PSG2: variants seen among roughly 807,000 people sequenced by gnomAD.
The protein encoded by PSG2 is pregnancy specific beta-1-glycoprotein 2, also known as pregnancy-specific beta-1-glycoprotein 2.
Under a neutral mutation model 36.2 loss-of-function variants are expected in PSG2, and 49 were observed. That is an observed-to-expected ratio of 1.35 (90% confidence interval 1.08 to 1.72). The LOEUF (loss-of-function observed/expected upper bound fraction) is 1.72, where lower values mean the gene tolerates loss of function less well. Ranked by LOEUF, PSG2 falls within the 40% of genes most tolerant of loss-of-function variation. PSG2 has a pLI of 0.00. For missense variants in PSG2, 605 were observed against 407.2 expected (o/e 1.49, Z -4.18); for synonymous variants, 261 against 155.6 (o/e 1.68, Z -5.04).
chr19:43,065,539 T>C (rs1967728225), intron 5 of PSG2: 1 of 151,686 alleles, frequency 6.6e-6, no homozygotes, highest in East Asian at 1.9e-4. Context: ...AGCATCCACT[T>C]TTAGAAATGT....
At position 43,080,861 on chromosome 19, in the gene PSG2, G is replaced by A. The variant is rs182934982; in HGVS notation, c.430+20C>T. The A allele has an allele frequency of 9.3e-5, 150 of 1,611,890 alleles. No homozygotes were observed. The East Asian group carries it at 3.3e-3, about 36-fold the overall frequency. ...TGACCCCTGTCCCCCAACACCCAGG[G>A]ATCATGTGGAATCACTTACGGTATA... On this transcript the variant is annotated intron_variant, in intron 2 of 5. Coordinates refer to ENST00000406487, the MANE Select transcript of PSG2 (RefSeq NM_031246.4).
At chr19:43,066,942 G>A (rs546697441) in intron 4 of PSG2, among the ~76,000 whole-genome samples, 6 of 151,352 alleles carry the variant, frequency 4.0e-5, no homozygotes, top group Admixed American at 1.3e-4. Context: ...TGTTTCTGTT[G>A]TGGCAGTCAT....
intron 4 of PSG2, 87 bp downstream of exon 4, chr19:43,071,613 G>C: frequency 6.2e-7 from 1 of 1,611,180 alleles, no homozygotes; most frequent in Non-Finnish European, 8.5e-7. Flanking sequence ...CACAGGCTGG[G>C]AATAAAAATG....
Position 43,082,619 on chromosome 19 carries a change from A to G in PSG2, c.-50T>C. On this transcript the variant is annotated 5_prime_UTR_variant, in exon 1 of 6. Transcript: ENST00000406487. ...CTCTGTGGAGATGAGCCTAGGATCCAGAAACTTCCTGAGCACGGCTGTCAG... is the reference window on the plus strand; with the variant it reads ...CTCTGTGGAGATGAGCCTAGGATCCGGAAACTTCCTGAGCACGGCTGTCAG... 2 of 1,602,272 alleles carry G rather than the reference A, an allele frequency of 1.2e-6. No individual in the cohort carries two copies. The highest frequency in any genetic ancestry group is 2.7e-5 in the African/African-American group (2 of 73,930).
rs1277706662 is a variant in PSG2, at chr19:43,072,293, G to A, written c.710-339C>T. Reference sequence around the variant, plus strand: ...GGACCGGAGAGAGACTGAGAGGCCTGGCCCCTGGTCATTTGGATTTAAGCT... The same window carrying A: ...GGACCGGAGAGAGACTGAGAGGCCTAGCCCCTGGTCATTTGGATTTAAGCT... On this transcript the variant is annotated intron_variant, in intron 3 of 5. Coordinates refer to ENST00000406487, the MANE Select transcript of PSG2 (RefSeq NM_031246.4). 5 of 1,600,114 alleles carry A rather than the reference G, an allele frequency of 3.1e-6. No homozygotes were observed. The East Asian group carries it at 8.9e-5, about 29-fold the overall frequency.
At chr19:43,078,749 T>A (rs1266540217) in intron 2 of PSG2, among the ~76,000 whole-genome samples, 1 of 151,674 alleles carries the variant, frequency 6.6e-6, no homozygotes, top group African/African-American at 2.4e-5. Context: ...CTTGGAGTCA[T>A]TAAAATCTTT....
At chr19:43,076,911 A>G (rs1373122345) in intron 2 of PSG2, among the ~76,000 whole-genome samples, 2 of 151,254 alleles carry the variant, frequency 1.3e-5, no homozygotes, top group Admixed American at 6.6e-5. Context: ...TGCGCCAGTG[A>G]GCACTTCTTT....
chr19:43,075,655 A>G lies in PSG2; in HGVS notation c.431-23T>C, dbSNP rs1288519436. 4.4e-6 allele frequency: 7 copies of G among 1,602,868 alleles called. 1 individual carries two copies. The Admixed American group carries it at 5.1e-5, about 12-fold the overall frequency. On this transcript the variant is annotated intron_variant, in intron 2 of 5. Coordinates refer to ENST00000406487, the MANE Select transcript of PSG2 (RefSeq NM_031246.4). ...CCACTGTGCAGAAAACAGAGAGAAGATTGCCCTGTGTGGCACCTTTGATTC... is the reference window on the plus strand; with the variant it reads ...CCACTGTGCAGAAAACAGAGAGAAGGTTGCCCTGTGTGGCACCTTTGATTC...
intron 4 of PSG2, among the ~76,000 whole-genome samples, chr19:43,069,612 A>C (rs1014462739): frequency 1.3e-5 from 2 of 151,726 alleles, no homozygotes; most frequent in African/African-American, 4.9e-5. Context: ...GGGAAGGGAC[A>C]GTGTTCTCAC....
intron 2 of PSG2, among the ~76,000 whole-genome samples, chr19:43,079,556 G>A (rs1390639488): frequency 6.6e-6 from 1 of 151,636 alleles, no homozygotes; most frequent in African/African-American, 2.4e-5. Context: ...CTGATGCAGG[G>A]TGTGAGTGGG....
chr19:43,065,097 A>G (rs1967722349), intron 5 of PSG2, among the ~76,000 whole-genome samples: 1 of 151,528 alleles, frequency 6.6e-6, no homozygotes, highest in South Asian at 2.1e-4. Flanking sequence ...GGCCTCCCAA[A>G]CTCCTGGGAT....
chr19:43,072,081 A>G (rs1967827087), intron 3 of PSG2, 127 bp from the exon 4 acceptor site: 4 of 1,429,044 alleles, frequency 2.8e-6, no homozygotes, highest in Non-Finnish European at 3.8e-6. Context: ...AACCCCCTCT[A>G]TGTTCACTGA....
intron 2 of PSG2, among the ~76,000 whole-genome samples, chr19:43,080,656 TCCTTCCTC>T (rs1169926181): frequency 6.6e-6 from 1 of 151,586 alleles, no homozygotes; most frequent in East Asian, 1.9e-4. Context: ...CATCAGACTG[TCCTTCCTC>T]TGCAGCGAGT....
At position 43,082,120 on chromosome 19, in the gene PSG2, CTCTTTTTTT is replaced by C. The variant is rs1568517793; in HGVS notation, c.64+377_64+385del. 22 of 90,812 alleles carry C rather than the reference CTCTTTTTTT, an allele frequency of 2.4e-4. 2 individuals are homozygous for C. Among genetic ancestry groups the C allele is most frequent in the South Asian group, 9.9e-4 (3 of 3,032 alleles). 5.6% of individuals were successfully genotyped at this position (90,812 alleles called of 1,614,324 possible). On this transcript the variant is annotated intron_variant, in intron 1 of 5. Coordinates refer to ENST00000406487, the MANE Select transcript of PSG2 (RefSeq NM_031246.4). Reference sequence around the variant, plus strand: ...TTCTTTCCTTTTATTTCTTTCTTCTCTCTTTTTTTTTTTTTTTTTTTTTTTTTTTTTTTT... The same window carrying C: ...TTCTTTCCTTTTATTTCTTTCTTCTCTTTTTTTTTTTTTTTTTTTTTTTTT...
At chr19:43,072,695 A>G (rs1162284275) in intron 3 of PSG2, 3 of 1,588,298 alleles carry the variant, frequency 1.9e-6, no homozygotes, top group Admixed American at 1.7e-5. Flanking sequence ...GGCATCCTTC[A>G]ATCAGAGTTA....
At chr19:43,068,631 TC>T (rs1967775375) in intron 4 of PSG2, among the ~76,000 whole-genome samples, 1 of 151,558 alleles carries the variant, frequency 6.6e-6, no homozygotes, top group Admixed American at 6.6e-5. Flanking sequence ...AAAACTATAA[TC>T]ACTAATAAGA....
At chr19:43,072,774 A>C in intron 3 of PSG2, 1 of 1,462,758 alleles carries the variant, frequency 6.8e-7, no homozygotes, top group Non-Finnish European at 9.2e-7. Flanking sequence ...CACAAGACAG[A>C]TGCATGATGA....
rs1228279134 is a variant in PSG2 at position 43,066,582 on chromosome 19, A to C, written c.983T>G (p.Leu328Arg). The change falls in exon 5 of 6, where the codon CTT (leucine) becomes CGT (arginine). Residue 328 changes from leucine to arginine, a missense_variant. Transcript: ENST00000406487. ...CTATGTTGGATTAAGGAGAGGAAGAAGTCCTATTCTTGTAGAAGCTGTCAT... is the reference window on the plus strand; with the variant it reads ...CTATGTTGGATTAAGGAGAGGAAGACGTCCTATTCTTGTAGAAGCTGTCAT... ...VKVSASTRIG[L>R]LPLLNPT 3 of 1,601,942 alleles carry C rather than the reference A, an allele frequency of 1.9e-6. No individual in the cohort carries two copies. Among genetic ancestry groups the C allele is most frequent in the East Asian group, 2.2e-5 (1 of 44,820 alleles).
intron 4 of PSG2, among the ~76,000 whole-genome samples, chr19:43,067,815 G>T (rs1432228017): frequency 1.3e-5 from 2 of 151,310 alleles, no homozygotes; most frequent in African/African-American, 4.9e-5. Flanking sequence ...CAATATTCAG[G>T]TAAGGAATCA....
Sources: gnomAD v4.1 joint callset for allele counts (sites outside exome capture counted in the v4.1 genomes callset) on GRCh38, gnomAD v4.1.1 for gene constraint, MANE v1.5 for transcripts, NCBI Gene and HGNC (gene_info 2026-07-23, HGNC 2026-07-21) for gene names.